The following PAIP1 variants were observed in gnomAD, a reference collection of about 807,000 sequenced individuals.
PAIP1 encodes poly(A) binding protein interacting protein 1.
In PAIP1, 16 loss-of-function variants were observed where a neutral mutation model predicts 61.3. That is an observed-to-expected ratio of 0.26 (90% CI 0.18 to 0.40). The LOEUF is 0.40. Among genes scored for constraint, PAIP1 ranks in the 10% least tolerant of loss-of-function variants. PAIP1 has a pLI of 1.00. For missense variants in PAIP1, 416 were observed against 600.9 expected, an observed-to-expected ratio of 0.69 and a Z score of 3.22; for synonymous variants, 187 against 226.2, an observed-to-expected ratio of 0.83 and a Z score of 1.56.
chr5:43,535,740 A>G, intron 6 of PAIP1, 100 bp from the exon 7 acceptor site: 2 of 676,560 alleles, frequency 3.0e-6, no homozygotes. Context: ...AAACAAGATG[A>G]ATTTAGCAAG....
At chr5:43,557,168 G>T (rs1748133963), upstream of PAIP1, 1 of 252,900 alleles carries the variant, frequency 4.0e-6, no homozygotes, top group Non-Finnish European at 7.2e-6. Context: ...GGCCCGGGAC[G>T]CGCCCGCGAG....
chr5:43,554,083 G>A (rs1444529665), intron 2 of PAIP1, among the ~76,000 whole-genome samples: 1 of 152,186 alleles, frequency 6.6e-6, no homozygotes, highest in Non-Finnish European at 1.5e-5. Context: ...TCTATTAGAG[G>A]ATGGCAAGGA....
At chr5:43,553,541 G>C (rs1245637794) in intron 2 of PAIP1, among the ~76,000 whole-genome samples, 1 of 152,150 alleles carries the variant, frequency 6.6e-6, no homozygotes, top group African/African-American at 2.4e-5. Context: ...TTGAATGAGT[G>C]AATGTAGCTA....
At chr5:43,545,373 T>C (rs894447409) in intron 3 of PAIP1, among the ~76,000 whole-genome samples, 1 of 152,222 alleles carries the variant, frequency 6.6e-6, no homozygotes, top group Non-Finnish European at 1.5e-5. Flanking sequence ...TCTTCATCCG[T>C]GGCATAACTC....
rs561165989 is a variant in PAIP1 at position 43,526,820 on chromosome 5, T to A, written c.*556A>T. On this transcript the variant is annotated 3_prime_UTR_variant, in exon 11 of 11. Transcript: ENST00000306846. ...CACCAAGTTGGGTTTTTCCCCCCCA[T>A]GACATTTAAAAAGCCCTTGGTATCA... 6.6e-6 allele frequency: 1 copy of A among 152,242 alleles called. No individual in the cohort carries two copies. Among genetic ancestry groups the A allele is most frequent in the Admixed American group, 6.5e-5 (1 of 15,292 alleles). 9.4% of individuals were successfully genotyped at this position (152,242 alleles called of 1,614,324 possible).
chr5:43,529,764 T>G (rs958060693), intron 10 of PAIP1, 22 bp downstream of exon 10: 3 of 1,232,208 alleles, frequency 2.4e-6, no homozygotes, highest in Non-Finnish European at 2.4e-6. Context: ...TTTCACGAAG[T>G]TAGTAACTGA....
At chr5:43,535,389 A>G (rs1277658041) in intron 7 of PAIP1, 145 bp downstream of exon 7, 3 of 632,886 alleles carry the variant, frequency 4.7e-6, no homozygotes, top group African/African-American at 1.9e-5. Flanking sequence ...TATAGGTAAA[A>G]TATTATTCCT....
chr5:43,554,848 G>C (rs1748000322), intron 2 of PAIP1, among the ~76,000 whole-genome samples: 1 of 152,018 alleles, frequency 6.6e-6, no homozygotes, highest in Non-Finnish European at 1.5e-5. Flanking sequence ...AGAAATAAAG[G>C]CATACAGCCA....
At position 43,547,663 on chromosome 5, in the gene PAIP1, T is replaced by G. The variant is rs796470200; in HGVS notation, c.621+65A>C. 23 of 971,410 alleles carry G rather than the reference T, an allele frequency of 2.4e-5. No homozygotes were observed. In the African/African-American group the frequency reaches 2.6e-4, roughly 11 times the overall value. 60.2% of individuals were successfully genotyped at this position (971,410 alleles called of 1,614,324 possible). A position where few individuals can be genotyped will look rare whatever the true frequency, so the allele number is the denominator to read the frequency against. ...CATGAATCTGGTCTCCCTCAAGGAGTAGCCACTATCCTTGGGCTTCAAGGA... is the reference window on the plus strand; with the variant it reads ...CATGAATCTGGTCTCCCTCAAGGAGGAGCCACTATCCTTGGGCTTCAAGGA... On this transcript the variant is annotated intron_variant, in intron 3 of 10. Transcript: ENST00000306846.
chr5:43,531,238 CTCTG>C (rs1350509072), intron 9 of PAIP1, among the ~76,000 whole-genome samples: 1 of 151,730 alleles, frequency 6.6e-6, no homozygotes, highest in East Asian at 1.9e-4. Context: ...GTGATACCTA[CTCTG>C]TGGCTCCTGG....
At chr5:43,544,780 A>C (rs1308400440) in intron 3 of PAIP1, among the ~76,000 whole-genome samples, 1 of 152,150 alleles carries the variant, frequency 6.6e-6, no homozygotes, top group Non-Finnish European at 1.5e-5. Context: ...CCAAAGGAAA[A>C]AAGACCCTGT....
intron 3 of PAIP1, among the ~76,000 whole-genome samples, chr5:43,546,762 C>G (rs1747650213): frequency 6.6e-6 from 1 of 151,910 alleles, no homozygotes; most frequent in East Asian, 1.9e-4. Flanking sequence ...TTAATGAGGC[C>G]AGGTGCAGCG....
Position 43,527,476 on chromosome 5 carries a change from A to G in PAIP1, c.1347-7T>C. The stretch of plus-strand genomic sequence containing the variant: ...ATCAATATCATCCAAGTATCTGTAA[A>G]AGCAAAGATGATTCATAAGTGTAAG... On this transcript the variant is annotated splice_region_variant and splice_polypyrimidine_tract_variant and intron_variant, in intron 10 of 10. Transcript: ENST00000306846. 1 of 1,599,502 alleles carries G rather than the reference A, an allele frequency of 6.3e-7. No homozygotes were observed. Among genetic ancestry groups the G allele is most frequent in the Non-Finnish European group, 8.5e-7 (1 of 1,173,370 alleles).
chr5:43,534,387 C>T (rs139093601), intron 8 of PAIP1, among the ~76,000 whole-genome samples: 2,572 of 152,242 alleles, frequency 0.017, 69 homozygotes, highest in African/African-American at 0.059. Flanking sequence ...TTAGTAGAGA[C>T]GGGGTTTCTC....
rs1221384475 is a variant in PAIP1 at position 43,535,524 on chromosome 5, C to G, written c.1079+10G>C. The G allele has an allele frequency of 9.1e-6, 13 of 1,428,312 alleles. No individual in the cohort carries two copies. Among genetic ancestry groups the G allele is most frequent in the Non-Finnish European group, 1.2e-5 (12 of 1,013,434 alleles). 88.5% of individuals were successfully genotyped at this position (1,428,312 alleles called of 1,614,324 possible). ...GATGCACTGGCTATTTACATTACTT[C>G]TTTTCCTACCTACTGCAGTTTGCAT... On this transcript the variant is annotated intron_variant, in intron 7 of 10. Coordinates refer to ENST00000306846, the MANE Select transcript of PAIP1 (RefSeq NM_006451.5).
chr5:43,555,125 A>G (rs1447981161), intron 2 of PAIP1, among the ~76,000 whole-genome samples: 1 of 152,236 alleles, frequency 6.6e-6, no homozygotes, highest in Non-Finnish European at 1.5e-5. Flanking sequence ...AACAACTGGA[A>G]GGAGACAGAG....
At chr5:43,533,903 C>A in intron 8 of PAIP1, 111 bp from the exon 9 acceptor site, 1 of 700,314 alleles carries the variant, frequency 1.4e-6, no homozygotes, top group South Asian at 1.6e-5. Flanking sequence ...AATGCAAGAA[C>A]AAGCAAAGGA....
intron 10 of PAIP1, among the ~76,000 whole-genome samples, chr5:43,529,007 C>A (rs534045270): frequency 6.6e-6 from 1 of 151,658 alleles, no homozygotes. Context: ...CTTATCAGTT[C>A]AAACATTTTT....
At chr5:43,529,933 G>C (rs6866325) in intron 9 of PAIP1, 54 bp from the exon 10 acceptor site, 382,811 of 835,156 alleles carry the variant, frequency 0.46, 92,965 homozygotes, top group African/African-American at 0.63. Flanking sequence ...CACATGAAAT[G>C]ACCAATCACC....
Sources: allele counts gnomAD v4.1 joint callset (sites outside exome capture counted in the v4.1 genomes callset), GRCh38; gene constraint gnomAD v4.1.1; transcripts MANE v1.5; gene names NCBI Gene and HGNC (gene_info 2026-07-23, HGNC 2026-07-21).